The following SYT16 variants were observed in gnomAD, a reference collection of about 807,000 sequenced individuals.
SYT16 encodes the protein synaptotagmin-16.
Under a neutral mutation model 61.4 loss-of-function variants are expected in SYT16, and 42 were observed. The ratio of observed to expected loss-of-function variants is 0.68; its 90% CI spans 0.53 to 0.89. The LOEUF (loss-of-function observed/expected upper bound fraction) is 0.89. SYT16 is among the 40% of genes least tolerant of loss of function. The pLI, the probability that SYT16 is intolerant of heterozygous loss-of-function variation, is 0.00. For synonymous variants in SYT16, 314 were observed against 302.3 expected (o/e 1.04, Z -0.40); for missense variants, 804 against 807.3 (o/e 1.00, Z 0.05).
At chr14:61,817,028 C>A (rs8012403) in intron 1 of SYT16, among the ~76,000 whole-genome samples, 18,546 of 69,594 alleles carry the variant, frequency 0.27, 1,603 homozygotes, top group African/African-American at 0.42. Flanking sequence ...CACACACACA[C>A]AAAAAAAGCA....
intron 1 of SYT16, among the ~76,000 whole-genome samples, chr14:61,873,343 G>C (rs1341941198): frequency 6.6e-6 from 1 of 152,178 alleles, no homozygotes; most frequent in Non-Finnish European, 1.5e-5. Context: ...AGGATGGATA[G>C]GCATTTTTTC....
intron 1 of SYT16, among the ~76,000 whole-genome samples, chr14:61,846,740 C>T (rs929644077): frequency 1.3e-5 from 2 of 151,798 alleles, no homozygotes; most frequent in African/African-American, 4.8e-5. Context: ...TTCTTTCATT[C>T]CTTCCTGCCT....
intron 1 of SYT16, among the ~76,000 whole-genome samples, chr14:61,907,517 C>T (rs1459399384): frequency 1.3e-5 from 2 of 152,146 alleles, no homozygotes; most frequent in Non-Finnish European, 2.9e-5. Context: ...TTAGACCTTC[C>T]ATTGGCATCA....
chr14:62,080,263 C>A (rs1019896953), intron 5 of SYT16, among the ~76,000 whole-genome samples: 16 of 152,180 alleles, frequency 1.1e-4, no homozygotes, highest in Non-Finnish European at 2.1e-4. Context: ...CCACTCCAGA[C>A]CTACTGAATC....
At chr14:61,972,225 C>T (rs947448931) in intron 2 of SYT16, among the ~76,000 whole-genome samples, 15 of 152,292 alleles carry the variant, frequency 9.8e-5, no homozygotes, top group Admixed American at 2.6e-4. Context: ...GAATTGTATT[C>T]ATTACTTAAA....
chr14:62,051,998 A>T (rs2055324319), intron 3 of SYT16, among the ~76,000 whole-genome samples: 2 of 152,236 alleles, frequency 1.3e-5, no homozygotes, highest in South Asian at 2.1e-4. Flanking sequence ...CCAGCCTGGG[A>T]AACATTTTAA....
At chr14:61,942,453 C>T (rs190008647) in intron 1 of SYT16, among the ~76,000 whole-genome samples, 354 of 152,256 alleles carry the variant, frequency 2.3e-3, no homozygotes, top group Middle Eastern at 6.8e-3. Flanking sequence ...AATACCAGTT[C>T]TGTTATCAAA....
chr14:62,004,738 G>A (rs949208787), intron 3 of SYT16, among the ~76,000 whole-genome samples: 1 of 152,218 alleles, frequency 6.6e-6, no homozygotes, highest in Non-Finnish European at 1.5e-5. Flanking sequence ...CCTCATTACT[G>A]TGGAGGCAGA....
chr14:61,989,709 C>T (rs984894295), intron 2 of SYT16, among the ~76,000 whole-genome samples: 2 of 152,150 alleles, frequency 1.3e-5, no homozygotes, highest in South Asian at 4.1e-4. Flanking sequence ...GTATGATTTG[C>T]CTTGTGCCAT....
intron 2 of SYT16, among the ~76,000 whole-genome samples, chr14:61,971,762 A>G (rs1023739383): frequency 2.0e-5 from 3 of 152,256 alleles, no homozygotes; most frequent in Non-Finnish European, 4.4e-5. Flanking sequence ...TTGCTTTGGC[A>G]TTCCTGCTAT....
chr14:61,906,647 T>C (rs2048721669), intron 1 of SYT16, among the ~76,000 whole-genome samples: 1 of 152,288 alleles, frequency 6.6e-6, no homozygotes, highest in African/African-American at 2.4e-5. Flanking sequence ...AGCTGTGATG[T>C]GAAAATTCTA....
chr14:61,925,330 A>G (rs186145705), intron 1 of SYT16, among the ~76,000 whole-genome samples: 14 of 152,314 alleles, frequency 9.2e-5, no homozygotes, highest in Non-Finnish European at 1.3e-4. Context: ...GCAGTAAGAA[A>G]GGAATTCCTG....
chr14:62,067,604 C>T (rs1468949367), intron 3 of SYT16, among the ~76,000 whole-genome samples: 9 of 152,108 alleles, frequency 5.9e-5, no homozygotes, highest in African/African-American at 1.4e-4. Flanking sequence ...CAAAAGACAT[C>T]GTGTGTTGGT....
chr14:62,016,570 G>A (rs182943361), intron 3 of SYT16, among the ~76,000 whole-genome samples: 6,999 of 150,376 alleles, frequency 0.047, 251 homozygotes, highest in East Asian at 0.12. Context: ...AAAATTAGCC[G>A]GGCGTGGTGG....
intron 1 of SYT16, among the ~76,000 whole-genome samples, chr14:61,818,601 C>G (rs1480420836): frequency 1.3e-5 from 2 of 150,514 alleles, no homozygotes; most frequent in South Asian, 4.2e-4. Context: ...TCGCTTGAAC[C>G]TGGGAGGCGG....
chr14:61,886,624 G>A (rs1021022361), intron 1 of SYT16, among the ~76,000 whole-genome samples: 1 of 152,152 alleles, frequency 6.6e-6, no homozygotes, highest in Non-Finnish European at 1.5e-5. Context: ...TAGGCTCCAC[G>A]TCTAATTCCA....
At chr14:62,006,045 T>G (rs2053208932) in intron 3 of SYT16, among the ~76,000 whole-genome samples, 1 of 152,180 alleles carries the variant, frequency 6.6e-6, no homozygotes, top group Non-Finnish European at 1.5e-5. Flanking sequence ...AGCCCACTAA[T>G]TTACTTCAAA....
At chr14:62,040,665 T>C (rs1004355229) in intron 3 of SYT16, among the ~76,000 whole-genome samples, 6 of 152,232 alleles carry the variant, frequency 3.9e-5, no homozygotes, top group African/African-American at 1.2e-4. Context: ...AAAATGAGAA[T>C]TCTGCTGTCA....
intron 2 of SYT16, among the ~76,000 whole-genome samples, chr14:61,973,330 T>C (rs1395321874): frequency 2.0e-5 from 3 of 152,126 alleles, no homozygotes; most frequent in Non-Finnish European, 2.9e-5. Flanking sequence ...TAGGTAATAG[T>C]AATAATAATA....
Sources: allele counts gnomAD v4.1 joint callset (sites outside exome capture counted in the v4.1 genomes callset), GRCh38; gene constraint gnomAD v4.1.1; transcripts MANE v1.5; gene names NCBI Gene and HGNC (gene_info 2026-07-23, HGNC 2026-07-21).